Variants in FGD5 observed in about 807,000 individuals in gnomAD.
FGD5 encodes the protein FYVE, RhoGEF and PH domain containing 5.
FGD5 carries 28 observed loss-of-function variants against 133.4 expected under a neutral mutation model. That is an observed-to-expected ratio of 0.21 (90% CI 0.16 to 0.29). The LOEUF (loss-of-function observed/expected upper bound fraction) is 0.29, where lower values mean the gene tolerates loss of function less well. FGD5 is among the 10% of genes least tolerant of loss of function. The pLI is 1.00. For synonymous variants in FGD5, 810 were observed against 776.5 expected (o/e 1.04, Z -0.72); for missense variants, 1,858 against 1,895.2 (o/e 0.98, Z 0.36).
Position 14,819,061 on chromosome 3 carries a change from G to C in FGD5, c.-11G>C. The C allele has an allele frequency of 6.5e-7, 1 of 1,544,498 alleles. No individual in the cohort carries two copies. The highest frequency in any genetic ancestry group is 8.7e-7 in the Non-Finnish European group (1 of 1,144,804). On this transcript the variant is annotated 5_prime_UTR_variant, in exon 1 of 20. Transcript: ENST00000285046. The surrounding 1 kb of genome is among the most constrained non-coding windows in gnomAD (Gnocchi z 4.1). ...TCAGCCAGGCCCGAGAGTCTTCACA[G>C]TCCAAACTCCATGTTCAGGGGTCCG...
intron 2 of FGD5, among the ~76,000 whole-genome samples, chr3:14,872,798 A>T (rs1389099851): frequency 6.6e-6 from 1 of 152,182 alleles, no homozygotes; most frequent in East Asian, 1.9e-4. Flanking sequence ...AAGTCATAGA[A>T]ATCAGTCTCT....
chr3:14,918,686 C>G (rs2038610821), intron 12 of FGD5, 68 bp from the exon 13 acceptor site: 1 of 1,503,312 alleles, frequency 6.7e-7, no homozygotes, highest in African/African-American at 1.4e-5. Flanking sequence ...CATCTGCTGC[C>G]AGGAGAAGCC....
rs61642170 is a variant in FGD5, at chr3:14,858,355, G to GTGGATGGATGGA, written c.2526-5743_2526-5732dup. Reference sequence around the variant, plus strand: ...CCAGTGTCCTGAAGCGGGTGGGTGGGTGGATGGATGGATGGATGGATGGAT... The same window carrying GTGGATGGATGGA: ...CCAGTGTCCTGAAGCGGGTGGGTGGGTGGATGGATGGATGGATGGATGGATGGATGGATGGAT... On this transcript the variant is annotated intron_variant, in intron 1 of 19. Coordinates refer to ENST00000285046, the MANE Select transcript of FGD5 (RefSeq NM_152536.4). Among the ~76,000 whole-genome samples, 561 of 130,916 alleles carry GTGGATGGATGGA rather than the reference G, an allele frequency of 4.3e-3. 7 individuals are homozygous for GTGGATGGATGGA. The highest frequency in any genetic ancestry group is 8.2e-3 in the East Asian group (31 of 3,762). The allele number at this position is 130,916 out of a possible 152,430, so 85.9% of individuals were successfully genotyped here. A position where few individuals can be genotyped will look rare whatever the true frequency, so the allele number is the denominator to read the frequency against.
chr3:14,902,136 G>A (rs1162724855), intron 9 of FGD5, among the ~76,000 whole-genome samples: 1 of 152,050 alleles, frequency 6.6e-6, no homozygotes, highest in Non-Finnish European at 1.5e-5. Context: ...ACAAAACTTA[G>A]CCAGGTGTGG....
chr3:14,916,666 C>A (rs1450334631), intron 11 of FGD5, among the ~76,000 whole-genome samples: 3 of 152,184 alleles, frequency 2.0e-5, no homozygotes, highest in African/African-American at 7.2e-5. Context: ...GGAACATTTC[C>A]AACCTCCAGA....
intron 1 of FGD5, among the ~76,000 whole-genome samples, chr3:14,857,697 A>G (rs2037310993): frequency 6.6e-6 from 1 of 152,176 alleles, no homozygotes; most frequent in Non-Finnish European, 1.5e-5. Context: ...TAGAGAGCAG[A>G]AAGATACCAG....
rs2125132283 is a variant in FGD5 at position 14,897,671 on chromosome 3, T to G, written c.2909+2T>G. 6.2e-7 allele frequency: 1 copy of G among 1,600,988 alleles called. No homozygotes were observed. Among genetic ancestry groups the G allele is most frequent in the Non-Finnish European group, 8.5e-7 (1 of 1,173,886 alleles). ...GCTGGAGGAAAGGCTGTCAAATTGG[T>G]GAGCAGTCCCTGGACCCCCGGGTTC... On this transcript the variant is annotated splice_donor_variant, in intron 5 of 19. Transcript: ENST00000285046. LOFTEE classifies it high-confidence loss of function.
intron 1 of FGD5, among the ~76,000 whole-genome samples, chr3:14,829,159 G>A (rs1184859481): frequency 2.6e-5 from 4 of 152,102 alleles, no homozygotes; most frequent in Non-Finnish European, 2.9e-5. Flanking sequence ...AAAAGCCTGC[G>A]CTTGAGTCTG....
chr3:14,904,674 C>T (rs1400488242), intron 9 of FGD5, among the ~76,000 whole-genome samples: 1 of 152,162 alleles, frequency 6.6e-6, no homozygotes, highest in African/African-American at 2.4e-5. Flanking sequence ...AAGATACAGG[C>T]ATTAGGTGCA....
At position 14,917,216 on chromosome 3, in the gene FGD5, C is replaced by T. The variant is rs1230054606; in HGVS notation, c.3406-33C>T. On this transcript the variant is annotated intron_variant, in intron 11 of 19. Transcript: ENST00000285046. This position sits in a 1 kb window ranked among gnomAD's most constrained non-coding sequence, Gnocchi z 4.1. ...GAAGCCTGGCGCAGCCTTCTGGGGC[C>T]AGGGTCCTCTCATAGGGTTTCCCTC... 6.3e-7 allele frequency: 1 copy of T among 1,596,114 alleles called. No homozygotes were observed. Among genetic ancestry groups the T allele is most frequent in the African/African-American group, 1.3e-5 (1 of 74,534 alleles).
chr3:14,872,866 G>A (rs566679083), intron 2 of FGD5, among the ~76,000 whole-genome samples: 42 of 152,302 alleles, frequency 2.8e-4, no homozygotes, highest in Non-Finnish European at 5.3e-4. Context: ...GGCTTAGTTA[G>A]TCAGTGTCTG....
Position 14,918,628 on chromosome 3 carries a change from A to G in FGD5, c.3490-126A>G. ...ACAGCACCTACCATCACAGAAAGGT[A>G]TGCCCTGAGGCTAGAGAACGGCAGT... On this transcript the variant is annotated intron_variant, in intron 12 of 19. Coordinates refer to ENST00000285046, the MANE Select transcript of FGD5 (RefSeq NM_152536.4). 1.1e-5 allele frequency: 10 copies of G among 887,236 alleles called. No individual in the cohort carries two copies. In the South Asian group the frequency reaches 1.2e-4, roughly 11 times the overall value. 55.0% of individuals were successfully genotyped at this position (887,236 alleles called of 1,614,324 possible).
intron 13 of FGD5, among the ~76,000 whole-genome samples, chr3:14,919,154 G>A (rs547224276): frequency 6.6e-6 from 1 of 152,246 alleles, no homozygotes; most frequent in East Asian, 1.9e-4. Flanking sequence ...GGTCTCTACA[G>A]CAACACGAAA....
intron 4 of FGD5, among the ~76,000 whole-genome samples, chr3:14,883,157 T>C (rs955281345): frequency 6.6e-6 from 1 of 152,178 alleles, no homozygotes; most frequent in Admixed American, 6.5e-5. Context: ...GTCATCCTGA[T>C]GGCCACAGTC....
At chr3:14,822,782 A>C (rs761578090) in intron 1 of FGD5, among the ~76,000 whole-genome samples, 1 of 152,216 alleles carries the variant, frequency 6.6e-6, no homozygotes, top group Non-Finnish European at 1.5e-5. Context: ...CTTTTCCCTC[A>C]TGTGCAGAAA....
intron 1 of FGD5, among the ~76,000 whole-genome samples, chr3:14,830,583 G>T (rs921659432): frequency 1.5e-4 from 23 of 152,174 alleles, no homozygotes; most frequent in African/African-American, 4.6e-4. Flanking sequence ...TATAATTCTC[G>T]CTAATAGAAG....
In FGD5 at chr3:14,922,337, G is replaced by A. The variant is rs2038699555; in HGVS notation, c.3670-74G>A. On this transcript the variant is annotated intron_variant, in intron 14 of 19. Transcript: ENST00000285046. The surrounding 1 kb of genome is among the most constrained non-coding windows in gnomAD (Gnocchi z 4.1). The stretch of plus-strand genomic sequence containing the variant: ...ACACCCTGCACAGAGACGCAGGGCA[G>A]GGCTCACTGGGCTCTGCATCTGGCT... 2 of 1,539,550 alleles carry A rather than the reference G, an allele frequency of 1.3e-6. No homozygotes were observed. The highest frequency in any genetic ancestry group is 1.4e-5 in the African/African-American group (1 of 73,024).
intron 1 of FGD5, among the ~76,000 whole-genome samples, chr3:14,849,578 T>C (rs2037119841): frequency 6.6e-6 from 1 of 152,176 alleles, no homozygotes; most frequent in Non-Finnish European, 1.5e-5. Context: ...TGGTTGAAAG[T>C]GCTTCTAACC....
At chr3:14,843,886 G>A (rs2036974341) in intron 1 of FGD5, among the ~76,000 whole-genome samples, 1 of 151,448 alleles carries the variant, frequency 6.6e-6, no homozygotes, top group South Asian at 2.1e-4. Flanking sequence ...GTAGAGATGG[G>A]TTTTCGCCAT....
Sources: gnomAD v4.1 joint callset for allele counts (sites outside exome capture counted in the v4.1 genomes callset) on GRCh38, gnomAD v4.1.1 for gene constraint, Gnocchi (gnomAD v3.1) non-coding constraint, MANE v1.5 for transcripts, NCBI Gene and HGNC (gene_info 2026-07-23, HGNC 2026-07-21) for gene names.